Variants in PDE10A observed in about 807,000 individuals in gnomAD.
The protein encoded by PDE10A is cAMP and cAMP-inhibited cGMP 3',5'-cyclic phosphodiesterase 10A.
A neutral mutation model predicts 97.7 loss-of-function variants in PDE10A; 39 were observed. The observed-to-expected ratio is 0.40, with a 90% CI of 0.31 to 0.52. PDE10A has a LOEUF of 0.52. PDE10A is among the 20% of genes least tolerant of loss of function. The pLI, the probability that PDE10A is intolerant of heterozygous loss-of-function variation, is 0.56. For synonymous variants in PDE10A, 371 were observed against 376.8 expected, an observed-to-expected ratio of 0.98 and a Z score of 0.18; for missense variants, 731 against 1,047.8, an observed-to-expected ratio of 0.70 and a Z score of 4.17.
chr6:165,748,012 G>T (rs1172797554), intron 1 of PDE10A, among the ~76,000 whole-genome samples: 1 of 152,066 alleles, frequency 6.6e-6, no homozygotes, highest in Non-Finnish European at 1.5e-5. Flanking sequence ...AGCCCCAATT[G>T]GTGCTCACTG....
chr6:165,955,067 G>A (rs554456778), intron 1 of PDE10A, among the ~76,000 whole-genome samples: 10 of 152,132 alleles, frequency 6.6e-5, no homozygotes, highest in South Asian at 6.2e-4. Context: ...GAGAATGGTC[G>A]CCGTTTCCGT....
intron 1 of PDE10A, among the ~76,000 whole-genome samples, chr6:165,687,925 T>C (rs1791166468): frequency 6.6e-6 from 1 of 152,284 alleles, no homozygotes; most frequent in Admixed American, 6.5e-5. Flanking sequence ...CAGAGGTTGA[T>C]GTGCTGTGGT....
At chr6:165,975,905 T>C (rs1356452569) in intron 1 of PDE10A, among the ~76,000 whole-genome samples, 2 of 152,246 alleles carry the variant, frequency 1.3e-5, no homozygotes, top group East Asian at 1.9e-4. Context: ...AGCACCTCTC[T>C]TGGATTTAAT....
rs946194649 is a variant in PDE10A, at chr6:165,483,679, G to T, written c.995-1336C>A. Reference sequence around the variant, plus strand: ...GTTTGAAAAAGTCAAACAATTAAAAGGTATATAATTAAAAGGAGCAATGTG... The same window carrying T: ...GTTTGAAAAAGTCAAACAATTAAAATGTATATAATTAAAAGGAGCAATGTG... On this transcript the variant is annotated intron_variant, in intron 2 of 21. Transcript: ENST00000539869. Among the ~76,000 whole-genome samples the T allele has an allele frequency of 3.9e-5, 6 of 152,244 alleles. No individual in the cohort carries two copies. The East Asian group carries it at 7.7e-4, about 20-fold the overall frequency.
intron 5 of PDE10A, among the ~76,000 whole-genome samples, chr6:165,437,472 A>G (rs1046164334): frequency 7.2e-5 from 11 of 152,202 alleles, no homozygotes; most frequent in African/African-American, 2.7e-4. Flanking sequence ...TCTTCTATTT[A>G]TTACGCTTGC....
intron 1 of PDE10A, among the ~76,000 whole-genome samples, chr6:165,619,060 T>C (rs1279516434): frequency 6.8e-6 from 1 of 146,240 alleles, no homozygotes; most frequent in South Asian, 2.2e-4. Context: ...TAGTGTGGTG[T>C]AGTGTAGTGT....
At chr6:165,695,847 C>T (rs772416651) in intron 1 of PDE10A, among the ~76,000 whole-genome samples, 12 of 152,158 alleles carry the variant, frequency 7.9e-5, no homozygotes, top group African/African-American at 1.4e-4. Flanking sequence ...AAATATCGAA[C>T]GTTGACCTTA....
chr6:165,808,193 C>A (rs1212330730), intron 1 of PDE10A, among the ~76,000 whole-genome samples: 1 of 152,250 alleles, frequency 6.6e-6, no homozygotes, highest in East Asian at 1.9e-4. Context: ...CATCTCAGAT[C>A]ACCCTGGACA....
chr6:165,627,498 C>A (rs1331737312), intron 1 of PDE10A, among the ~76,000 whole-genome samples: 6 of 152,168 alleles, frequency 3.9e-5, no homozygotes, highest in African/African-American at 7.2e-5. Flanking sequence ...ACAGAAATCA[C>A]AGAAGATGTA....
rs1270693901 is a variant in PDE10A, at chr6:165,327,320, A to AAAGTGATAT, written c.*5704_*5705insATATCACTT. On this transcript the variant is annotated 3_prime_UTR_variant, in exon 22 of 22. Transcript: ENST00000539869. ...AAAAACTCTGTATTCAATTATTCAC[A>AAAGTGATAT]CCAAAGGATATCCATTAAAATTATG... is the stretch of plus-strand genomic sequence containing the variant. The AAAGTGATAT allele has an allele frequency of 2.6e-5, 4 of 152,222 alleles. No homozygotes were observed. The highest frequency in any genetic ancestry group is 4.4e-5 in the Non-Finnish European group (3 of 68,038). The allele number at this position is 152,222 out of a possible 1,614,324, so 9.4% of individuals were successfully genotyped here. A position where few individuals can be genotyped will look rare whatever the true frequency, so the allele number is the denominator to read the frequency against.
intron 1 of PDE10A, among the ~76,000 whole-genome samples, chr6:165,867,503 C>G (rs76725967): frequency 1.3e-5 from 2 of 151,902 alleles, no homozygotes; most frequent in Non-Finnish European, 2.9e-5. Flanking sequence ...TGTATGCACC[C>G]AACACCAGAG....
rs192079651 is a variant in PDE10A, at chr6:165,971,726, T to C, written c.-615+15803A>G. Among the ~76,000 whole-genome samples, 4 of 152,370 alleles carry C rather than the reference T, an allele frequency of 2.6e-5. No homozygotes were observed. The East Asian group carries it at 5.8e-4, about 22-fold the overall frequency. On this transcript the variant is annotated intron_variant, in intron 1 of 19. Coordinates refer to the PDE10A transcript ENST00000366882. ...ATGCAAAAGTTTAAATCTTCAGGCC[T>C]GGGATTGGAAGCGGTACTGCAAACC...
intron 18 of PDE10A, among the ~76,000 whole-genome samples, chr6:165,372,588 C>A (rs1444340451): frequency 6.6e-6 from 1 of 150,962 alleles, no homozygotes; most frequent in African/African-American, 2.5e-5. Flanking sequence ...AGGATACACA[C>A]AAATGGAAGA....
In PDE10A at chr6:165,692,466, G is replaced by A. The variant is rs571552084; in HGVS notation, c.-614-148898C>T. On this transcript the variant is annotated intron_variant, in intron 1 of 19. Coordinates refer to the PDE10A transcript ENST00000366882. Reference sequence around the variant, plus strand: ...ACCGGGACTTGCTTGTTCTGGCAGCGCTGGGCTCTCAGCCTCTGGGACTCT... The same window carrying A: ...ACCGGGACTTGCTTGTTCTGGCAGCACTGGGCTCTCAGCCTCTGGGACTCT... Among the ~76,000 whole-genome samples, 4 of 152,260 alleles carry A rather than the reference G, an allele frequency of 2.6e-5. No individual in the cohort carries two copies. In the South Asian group the frequency reaches 6.2e-4, roughly 24 times the overall value.
rs566955108 is a variant in PDE10A at position 165,404,379 on chromosome 6, T to C, written c.2077-7920A>G. 3.9e-5 allele frequency among the ~76,000 whole-genome samples: 6 copies of C among 151,956 alleles called. No homozygotes were observed. The East Asian group carries it at 1.2e-3, about 30-fold the overall frequency. ...GAGAGGAGCTGAACTGAGAACTCCA[T>C]AAGCAAAAAAGAAGCCTTGTCTCTA... On this transcript the variant is annotated intron_variant, in intron 13 of 21. Transcript: ENST00000539869.
intron 1 of PDE10A, among the ~76,000 whole-genome samples, chr6:165,637,089 G>A (rs890499547): frequency 6.6e-6 from 1 of 152,120 alleles, no homozygotes; most frequent in African/African-American, 2.4e-5. Flanking sequence ...ATGAACAAGG[G>A]TACTATTATT....
chr6:165,525,036 C>G (rs962632288), intron 2 of PDE10A, among the ~76,000 whole-genome samples: 9 of 152,044 alleles, frequency 5.9e-5, no homozygotes, highest in African/African-American at 1.9e-4. Context: ...GATGGCCTCC[C>G]GAGGCAGCTG....
intron 18 of PDE10A, among the ~76,000 whole-genome samples, chr6:165,346,099 TC>T (rs1782291726): frequency 6.6e-6 from 1 of 152,180 alleles, no homozygotes; most frequent in African/African-American, 2.4e-5. Context: ...TAACTTTTAT[TC>T]CAAGTTTGAT....
intron 2 of PDE10A, among the ~76,000 whole-genome samples, chr6:165,538,888 G>T (rs1423339196): frequency 1.3e-5 from 2 of 152,026 alleles, no homozygotes; most frequent in East Asian, 3.9e-4. Flanking sequence ...AGTCTTGAAG[G>T]GTACCAGCTG....
Sources: gnomAD v4.1 joint callset for allele counts (sites outside exome capture counted in the v4.1 genomes callset) on GRCh38, gnomAD v4.1.1 for gene constraint, MANE v1.5 for transcripts, NCBI Gene and HGNC (gene_info 2026-07-23, HGNC 2026-07-21) for gene names.